Variants in NRIP1 observed in about 807,000 individuals in gnomAD.
NRIP1 encodes nuclear receptor interacting protein 1.
Under a neutral mutation model 75.0 loss-of-function variants are expected in NRIP1, and 28 were observed. The observed-to-expected ratio is 0.37, with a 90% CI of 0.28 to 0.51. The LOEUF (loss-of-function observed/expected upper bound fraction) is 0.51. Among genes scored for constraint, NRIP1 ranks in the 20% least tolerant of loss-of-function variants. The pLI is 0.92. For missense variants in NRIP1, 1,435 were observed against 1,343.7 expected (o/e 1.07, Z -1.06); for synonymous variants, 526 against 487.6 (o/e 1.08, Z -1.04).
In NRIP1 at chr21:15,051,089, C is replaced by T. The variant is rs1017771480; in HGVS notation, c.-537-7515G>A. 53 of 364,604 alleles carry T rather than the reference C, an allele frequency of 1.5e-4. 3 individuals carry two copies. Among genetic ancestry groups the T allele is most frequent in the South Asian group, 1.0e-3 (49 of 48,744 alleles). The allele number at this position is 364,604 out of a possible 1,614,324, so 22.6% of individuals were successfully genotyped here. A position where few individuals can be genotyped will look rare whatever the true frequency, so the allele number is the denominator to read the frequency against. On this transcript the variant is annotated intron_variant, in intron 1 of 3. Transcript: ENST00000318948. Reference sequence around the variant, plus strand: ...AGATACTCCAGAAACGGCTGCAGCCCGGTCTCTCTTCTAGCTCCTGCCCCT... The same window carrying T: ...AGATACTCCAGAAACGGCTGCAGCCTGGTCTCTCTTCTAGCTCCTGCCCCT...
intron 2 of NRIP1, among the ~76,000 whole-genome samples, chr21:15,033,204 G>A (rs567216515): frequency 3.6e-5 from 5 of 137,154 alleles, no homozygotes; most frequent in South Asian, 2.3e-4. Flanking sequence ...CAGCTTGGGC[G>A]ACAGAGCGAG....
At chr21:14,975,694 GGAGGA>G (rs1256242639) in intron 3 of NRIP1, among the ~76,000 whole-genome samples, 2 of 146,902 alleles carry the variant, frequency 1.4e-5, no homozygotes, top group East Asian at 2.0e-4. Context: ...GGAGGGGAGG[GGAGGA>G]ATAGAATGAC....
intron 3 of NRIP1, among the ~76,000 whole-genome samples, chr21:15,012,445 G>GTTTT (rs1568978946): frequency 3.6e-5 from 3 of 83,546 alleles, no homozygotes; most frequent in African/African-American, 1.4e-4. Context: ...ACATTATAAT[G>GTTTT]TCTTTTTTTT....
intron 3 of NRIP1, among the ~76,000 whole-genome samples, chr21:14,995,146 C>T (rs953666396): frequency 6.6e-6 from 1 of 151,668 alleles, no homozygotes; most frequent in Non-Finnish European, 1.5e-5. Flanking sequence ...AGACAGACAA[C>T]CACATACATA....
In NRIP1 at chr21:14,977,275, A is replaced by T. The variant is rs562722422; in HGVS notation, c.-334-8749T>A. Among the ~76,000 whole-genome samples the T allele has an allele frequency of 1.1e-4, 17 of 152,096 alleles. 1 individual carries two copies. The South Asian group carries it at 3.5e-3, about 32-fold the overall frequency. On this transcript the variant is annotated intron_variant, in intron 3 of 3. Coordinates refer to ENST00000318948, the MANE Select transcript of NRIP1 (RefSeq NM_003489.4). ...GTCCTAATTATTGACTCTTTTATTTAAAAAAAATACAGATCCAGGTATTCG... is the reference window on the plus strand; with the variant it reads ...GTCCTAATTATTGACTCTTTTATTTTAAAAAAATACAGATCCAGGTATTCG...
At chr21:14,998,076 G>C (rs776997982) in intron 3 of NRIP1, among the ~76,000 whole-genome samples, 1 of 152,084 alleles carries the variant, frequency 6.6e-6, no homozygotes, top group Admixed American at 6.5e-5. Context: ...AGCTTCTCCA[G>C]TATCTCTGTG....
At chr21:14,986,686 T>C (rs950411890) in intron 3 of NRIP1, among the ~76,000 whole-genome samples, 1 of 152,234 alleles carries the variant, frequency 6.6e-6, no homozygotes, top group Non-Finnish European at 1.5e-5. Context: ...TTTAAATATA[T>C]GACACATCAA....
chr21:15,063,024 T>C (rs1402777637), intron 1 of NRIP1, among the ~76,000 whole-genome samples: 1 of 152,234 alleles, frequency 6.6e-6, no homozygotes, highest in Non-Finnish European at 1.5e-5. Flanking sequence ...AGTCCTTTTT[T>C]TTTTCTGTTA....
At chr21:15,011,008 T>G (rs1471902808) in intron 3 of NRIP1, among the ~76,000 whole-genome samples, 2 of 152,240 alleles carry the variant, frequency 1.3e-5, no homozygotes, top group Non-Finnish European at 2.9e-5. Flanking sequence ...AATTGATCTT[T>G]CTTTCACCAG....
intron 2 of NRIP1, among the ~76,000 whole-genome samples, chr21:15,042,752 G>C (rs948142032): frequency 6.6e-6 from 1 of 152,182 alleles, no homozygotes; most frequent in Non-Finnish European, 1.5e-5. Context: ...AGAACTGTGA[G>C]AAATAAACCT....
At chr21:14,977,976 G>GAC (rs1281460766) in intron 3 of NRIP1, among the ~76,000 whole-genome samples, 1 of 152,210 alleles carries the variant, frequency 6.6e-6, no homozygotes, top group African/African-American at 2.4e-5. Flanking sequence ...GGACACCAGA[G>GAC]ACACCGGTGA....
intron 3 of NRIP1, among the ~76,000 whole-genome samples, chr21:14,999,696 T>C (rs1274699447): frequency 1.3e-5 from 2 of 152,124 alleles, no homozygotes; most frequent in African/African-American, 2.4e-5. Flanking sequence ...ATTCCTAAGG[T>C]TCCTACTGCT....
intron 3 of NRIP1, among the ~76,000 whole-genome samples, chr21:14,988,997 C>T (rs2087491116): frequency 6.6e-6 from 1 of 152,096 alleles, no homozygotes; most frequent in African/African-American, 2.4e-5. Context: ...GGCTTTCCAG[C>T]TTCAGGAGGG....
chr21:14,971,304 C>T (rs190940950), intron 3 of NRIP1, among the ~76,000 whole-genome samples: 11 of 152,300 alleles, frequency 7.2e-5, no homozygotes, highest in African/African-American at 2.6e-4. Context: ...CATTCAAACA[C>T]ACACATTCTC....
intron 2 of NRIP1, 31 bp downstream of exon 2, chr21:15,043,464 A>T (rs1050640983): frequency 2.0e-5 from 3 of 152,304 alleles, no homozygotes; most frequent in African/African-American, 4.8e-5. Context: ...TAACATTTTT[A>T]AAAGTGGGGC....
intron 2 of NRIP1, among the ~76,000 whole-genome samples, chr21:15,024,878 G>A (rs577247706): frequency 9.2e-5 from 14 of 152,056 alleles, no homozygotes; most frequent in African/African-American, 2.7e-4. Flanking sequence ...CGCATTTCAC[G>A]AAAGAATACA....
chr21:14,969,056 A>G (rs758420820), intron 3 of NRIP1, among the ~76,000 whole-genome samples: 2 of 152,248 alleles, frequency 1.3e-5, no homozygotes, highest in Non-Finnish European at 2.9e-5. Flanking sequence ...CAGACATTCC[A>G]TAAGTAATTT....
At chr21:15,039,459 C>T (rs917802745) in intron 2 of NRIP1, among the ~76,000 whole-genome samples, 2 of 152,132 alleles carry the variant, frequency 1.3e-5, no homozygotes, top group Admixed American at 6.5e-5. Flanking sequence ...AGCTTTAAAA[C>T]CCAATTTGGT....
At position 14,965,667 on chromosome 21, in the gene NRIP1, A is replaced by G; in HGVS notation, c.2526T>C (p.Asn842=). Residue 842 remains asparagine (N), a synonymous_variant, in exon 4 of 4, where the codon AAT becomes AAC. Coordinates refer to ENST00000318948, the MANE Select transcript of NRIP1 (RefSeq NM_003489.4). The part of the protein sequence containing the change: ...ADDSDRSHRN[N]EMALLESKNL... ...TCTTTGATTCTAGAAGTGCCATTTCATTATTTCTGTGACTCCTGTCTGAAT... is the reference window on the plus strand; with the variant it reads ...TCTTTGATTCTAGAAGTGCCATTTCGTTATTTCTGTGACTCCTGTCTGAAT... 6.2e-7 allele frequency: 1 copy of G among 1,613,472 alleles called. No individual in the cohort carries two copies. Among genetic ancestry groups the G allele is most frequent in the Non-Finnish European group, 8.5e-7 (1 of 1,179,942 alleles).
Sources: gnomAD v4.1 joint callset for allele counts (sites outside exome capture counted in the v4.1 genomes callset) on GRCh38, gnomAD v4.1.1 for gene constraint, MANE v1.5 for transcripts, NCBI Gene and HGNC (gene_info 2026-07-23, HGNC 2026-07-21) for gene names.